Variants in SEPTIN9 observed in about 807,000 individuals in gnomAD.
The protein encoded by SEPTIN9 is septin-9.
SEPTIN9 carries 13 observed loss-of-function variants against 56.6 expected under a neutral mutation model. That is an observed-to-expected ratio of 0.23 (90% confidence interval 0.15 to 0.37). The LOEUF (loss-of-function observed/expected upper bound fraction) is 0.37, where lower values mean the gene tolerates loss of function less well. Among genes scored for constraint, SEPTIN9 ranks in the 10% least tolerant of loss-of-function variants. SEPTIN9 has a pLI of 1.00. For missense variants in SEPTIN9, 650 were observed against 823.1 expected, an observed-to-expected ratio of 0.79 and a Z score of 2.57; for synonymous variants, 332 against 334.1, an observed-to-expected ratio of 0.99 and a Z score of 0.07.
intron 11 of SEPTIN9, chr17:77,497,730 C>T: frequency 2.6e-6 from 1 of 385,958 alleles, no homozygotes; most frequent in South Asian, 2.5e-5. Context: ...TCCCACTGGC[C>T]TCTGACCCCT....
rs143943347 is a variant in SEPTIN9, at chr17:77,324,368, T to C, written c.76+17171T>C. Among the ~76,000 whole-genome samples the C allele has an allele frequency of 1.6e-4, 25 of 152,356 alleles. No homozygotes were observed. In the East Asian group the frequency reaches 4.6e-3, roughly 28 times the overall value. ...TGTCTGGATGCACAGCATGGTTCCA[T>C]GTCCCAGACTCCTTGCTGGACCCCT... On this transcript the variant is annotated intron_variant, in intron 2 of 11. Transcript: ENST00000427177.
At chr17:77,473,382 T>G (rs964865646) in intron 3 of SEPTIN9, among the ~76,000 whole-genome samples, 1 of 152,248 alleles carries the variant, frequency 6.6e-6, no homozygotes, top group Admixed American at 6.5e-5. Context: ...TTGTTTGTTT[T>G]TTTTAATTCT....
chr17:77,377,377 A>G (rs1194772714), intron 2 of SEPTIN9: 1 of 152,000 alleles, frequency 6.6e-6, no homozygotes, highest in Non-Finnish European at 1.5e-5. Flanking sequence ...CGCAAACACG[A>G]TTACAACTCG....
intron 1 of SEPTIN9, among the ~76,000 whole-genome samples, chr17:77,292,428 C>T (rs1294411899): frequency 6.6e-6 from 1 of 151,958 alleles, no homozygotes; most frequent in African/African-American, 2.4e-5. Flanking sequence ...CTGGCGTAGC[C>T]TTTTCCCGCA....
intron 2 of SEPTIN9, among the ~76,000 whole-genome samples, chr17:77,381,360 G>C (rs1461102894): frequency 6.6e-6 from 1 of 152,210 alleles, no homozygotes; most frequent in Non-Finnish European, 1.5e-5. Context: ...ACAGCCAGCA[G>C]TCTGGTGGAT....
At chr17:77,398,986 A>T (rs905144445) in intron 2 of SEPTIN9, among the ~76,000 whole-genome samples, 2 of 152,118 alleles carry the variant, frequency 1.3e-5, no homozygotes, top group Non-Finnish European at 1.5e-5. Flanking sequence ...AGAGGAGAGG[A>T]TGGTTGGGGA....
chr17:77,492,573 T>G lies in SEPTIN9; in HGVS notation c.1381-48T>G. ...CATGTGGCAAACACCAGTGGGTGGGTAGAGCTTGCCACAGGGATGGGCCCA... is the reference window on the plus strand; with the variant it reads ...CATGTGGCAAACACCAGTGGGTGGGGAGAGCTTGCCACAGGGATGGGCCCA... On this transcript the variant is annotated intron_variant, in intron 8 of 11. Coordinates refer to ENST00000427177, the MANE Select transcript of SEPTIN9 (RefSeq NM_001113491.2). This position sits in a 1 kb window ranked among gnomAD's most constrained non-coding sequence, Gnocchi z 5.4. 6.4e-7 allele frequency: 1 copy of G among 1,554,666 alleles called. No individual in the cohort carries two copies. Among genetic ancestry groups the G allele is most frequent in the Non-Finnish European group, 8.9e-7 (1 of 1,126,038 alleles).
At chr17:77,320,321 G>A (rs1171655760) in intron 2 of SEPTIN9, 7 of 1,612,944 alleles carry the variant, frequency 4.3e-6, no homozygotes, top group Admixed American at 1.7e-5. Flanking sequence ...AAATATATCC[G>A]TAGGAATGGA....
intron 3 of SEPTIN9, among the ~76,000 whole-genome samples, chr17:77,467,186 T>C (rs1007028713): frequency 6.6e-6 from 1 of 152,240 alleles, no homozygotes; most frequent in Non-Finnish European, 1.5e-5. Flanking sequence ...TCTGCTGGTG[T>C]CTCAGAAGAT....
At position 77,488,472 on chromosome 17, in the gene SEPTIN9, G is replaced by A. The variant is rs2039889937; in HGVS notation, c.1124+151G>A. 1.3e-5 allele frequency among the ~76,000 whole-genome samples: 2 copies of A among 152,304 alleles called. 1 individual carries two copies. Among genetic ancestry groups the A allele is most frequent in the African/African-American group, 4.8e-5 (2 of 41,570 alleles). ...GCTGCCAAAGCCGCACGTCTCAGGGGCCTGAAAATTCTGGACCAAAGCAGA... is the reference window on the plus strand; with the variant it reads ...GCTGCCAAAGCCGCACGTCTCAGGGACCTGAAAATTCTGGACCAAAGCAGA... On this transcript the variant is annotated intron_variant, in intron 6 of 11. Coordinates refer to ENST00000427177, the MANE Select transcript of SEPTIN9 (RefSeq NM_001113491.2).
intron 1 of SEPTIN9, among the ~76,000 whole-genome samples, chr17:77,306,131 G>GTGGA (rs1254638697): frequency 2.6e-5 from 4 of 152,066 alleles, no homozygotes; most frequent in South Asian, 4.1e-4. Flanking sequence ...AAATGAGTGG[G>GTGGA]TGGATGGATG....
chr17:77,314,490 G>T (rs142026652), intron 2 of SEPTIN9, among the ~76,000 whole-genome samples: 1 of 151,956 alleles, frequency 6.6e-6, no homozygotes, highest in Non-Finnish European at 1.5e-5. Context: ...AGCAGGAAAA[G>T]TCACTTTTTA....
chr17:77,488,430 C>T (rs1325114229), intron 6 of SEPTIN9, 109 bp downstream of exon 6: 19 of 1,008,502 alleles, frequency 1.9e-5, no homozygotes, highest in Non-Finnish European at 2.0e-5. Context: ...CAGGGCCCAC[C>T]TCCTGGGACC....
At chr17:77,411,635 T>G (rs2036305562) in intron 3 of SEPTIN9, among the ~76,000 whole-genome samples, 1 of 151,654 alleles carries the variant, frequency 6.6e-6, no homozygotes, top group Admixed American at 6.6e-5. Context: ...CTCCTGACCT[T>G]GAGATCCGCC....
Position 77,319,789 on chromosome 17 carries a change from C to T in SEPTIN9, c.76+12592C>T. On this transcript the variant is annotated intron_variant, in intron 2 of 11. Transcript: ENST00000427177. This position sits in a 1 kb window ranked among gnomAD's most constrained non-coding sequence, Gnocchi z 5.3. ...GAAAATGAAAGACTTTGGAAGTCGT[C>T]AGGAATTTGACTCTGTGAGTTGGTT... The T allele has an allele frequency of 2.8e-6, 3 of 1,074,188 alleles. No homozygotes were observed. The highest frequency in any genetic ancestry group is 3.3e-5 in the African/African-American group (2 of 61,274). The allele number at this position is 1,074,188 out of a possible 1,614,324, so 66.5% of individuals were successfully genotyped here. A position where few individuals can be genotyped will look rare whatever the true frequency, so the allele number is the denominator to read the frequency against.
At chr17:77,321,932 C>A (rs1351583295) in intron 2 of SEPTIN9, among the ~76,000 whole-genome samples, 1 of 152,202 alleles carries the variant, frequency 6.6e-6, no homozygotes, top group African/African-American at 2.4e-5. Flanking sequence ...GGGCAGGGAG[C>A]GCTGAGAGGG....
intron 2 of SEPTIN9, among the ~76,000 whole-genome samples, chr17:77,357,188 G>A (rs2143833567): frequency 6.6e-6 from 1 of 152,214 alleles, no homozygotes; most frequent in East Asian, 1.9e-4. Context: ...GGGGCAGATG[G>A]GGAAGCAAGG....
intron 1 of SEPTIN9, among the ~76,000 whole-genome samples, chr17:77,291,628 G>T (rs960534406): frequency 2.0e-5 from 3 of 151,978 alleles, no homozygotes; most frequent in Non-Finnish European, 4.4e-5. Flanking sequence ...GTGAAACTCC[G>T]TCTCAAAAAA....
chr17:77,489,360 C>T (rs1021758415), intron 7 of SEPTIN9, among the ~76,000 whole-genome samples: 1 of 152,180 alleles, frequency 6.6e-6, no homozygotes, highest in South Asian at 2.1e-4. Flanking sequence ...TTCCTCCCGC[C>T]GGCTCTGTCC....
Sources: allele counts gnomAD v4.1 joint callset (sites outside exome capture counted in the v4.1 genomes callset), GRCh38; gene constraint gnomAD v4.1.1; non-coding constraint Gnocchi (gnomAD v3.1); transcripts MANE v1.5; gene names NCBI Gene and HGNC (gene_info 2026-07-23, HGNC 2026-07-21).